The following ARPP19 variants were observed in gnomAD, a reference collection of about 807,000 sequenced individuals.
ARPP19 encodes the protein cAMP regulated phosphoprotein 19, also known as cAMP-regulated phosphoprotein 19.
Under a neutral mutation model 12.0 loss-of-function variants are expected in ARPP19, and 8 were observed. The observed-to-expected ratio is 0.67, with a 90% CI of 0.39 to 1.21. ARPP19 has a LOEUF of 1.21. Among genes scored for constraint, ARPP19 ranks in the 50% most tolerant of loss-of-function variants. ARPP19 has a pLI of 0.01. For missense variants in ARPP19, 102 were observed against 136.3 expected (o/e 0.75, Z 1.25); for synonymous variants, 47 against 50.4 (o/e 0.93, Z 0.29).
rs147494714 is a variant in ARPP19 at position 52,559,530 on chromosome 15, C to T, written c.46-2308G>A. On this transcript the variant is annotated intron_variant, in intron 1 of 2. Transcript: ENST00000249822. ...CCTGCTCTACTGAGAATTGATGGGG[C>T]AGTCTCCAATATGATTATGCCTTCT... Among the ~76,000 whole-genome samples, 17 of 152,270 alleles carry T rather than the reference C, an allele frequency of 1.1e-4. No homozygotes were observed. The East Asian group carries it at 2.9e-3, about 26-fold the overall frequency.
rs1309310983 is a variant in ARPP19, at chr15:52,554,937, T to A, written c.168+2163A>T. ...AAGAGACCTATTATAATAATCATAA[T>A]ATCTAATCAAACCTTCTCAAATTAA... On this transcript the variant is annotated intron_variant, in intron 2 of 2. Transcript: ENST00000249822. Among the ~76,000 whole-genome samples, 3 of 152,074 alleles carry A rather than the reference T, an allele frequency of 2.0e-5. No individual in the cohort carries two copies. In the East Asian group the frequency reaches 5.8e-4, roughly 29 times the overall value.
chr15:52,568,933 TTA>T lies in ARPP19; in HGVS notation c.-43_-42del. 6.9e-7 allele frequency: 1 copy of T among 1,453,682 alleles called. No individual in the cohort carries two copies. Among genetic ancestry groups the T allele is most frequent in the Non-Finnish European group, 9.3e-7 (1 of 1,074,346 alleles). The allele number at this position is 1,453,682 out of a possible 1,614,324, so 90.0% of individuals were successfully genotyped here. On this transcript the variant is annotated 5_prime_UTR_variant, in exon 1 of 3. Transcript: ENST00000249822. ...GACGAGACGCCGGGAAAAGATGCAA[TTA>T]GCGGGTGGCCGAGGCCACCCGGCCG...
chr15:52,555,216 T>C (rs1170032413), intron 2 of ARPP19, among the ~76,000 whole-genome samples: 2 of 152,026 alleles, frequency 1.3e-5, no homozygotes, highest in East Asian at 1.9e-4. Context: ...AACTCCAAGA[T>C]ACAATGTATA....
At chr15:52,558,482 A>AAAAAAAGAAAAAAAAAAAAAAAAAG (rs559673591) in intron 1 of ARPP19, among the ~76,000 whole-genome samples, 1 of 148,976 alleles carries the variant, frequency 6.7e-6, no homozygotes, top group Non-Finnish European at 1.5e-5. Context: ...AAAAAAAAAA[A>AAAAAAAGAAAAAAAAAAAAAAAAAG]AAAGAAAGAA....
Position 52,547,115 on chromosome 15 carries a change from C to CAAAAAAAAAAA in ARPP19, c.*4818_*4819insTTTTTTTTTTT, listed in dbSNP as rs2077883863. 1.8e-5 allele frequency: 2 copies of CAAAAAAAAAAA among 109,014 alleles called. No individual in the cohort carries two copies. Among genetic ancestry groups the CAAAAAAAAAAA allele is most frequent in the Non-Finnish European group, 4.3e-5 (2 of 46,764 alleles). 6.8% of individuals were successfully genotyped at this position (109,014 alleles called of 1,614,324 possible). ...ACAAATGCAAAAAAAAAAAAAAAAT[C>CAAAAAAAAAAA]AAAGATTACAAGTCAGTTTCTTCCT... On this transcript the variant is annotated 3_prime_UTR_variant, in exon 3 of 3. Coordinates refer to ENST00000249822, the MANE Select transcript of ARPP19 (RefSeq NM_006628.6).
At chr15:52,562,073 A>G (rs2078038664) in intron 1 of ARPP19, among the ~76,000 whole-genome samples, 1 of 151,896 alleles carries the variant, frequency 6.6e-6, no homozygotes, top group African/African-American at 2.4e-5. Flanking sequence ...CCACTGTGCC[A>G]CTAATAAAAT....
rs1481987113 is a variant in ARPP19, at chr15:52,550,861, TAA to T, written c.*1071_*1072del. ...TGTGGAAGTAAAAAGTTTCTACATTTAAAAAGTTTATATAAATTACATGAATT... is the reference window on the plus strand; with the variant it reads ...TGTGGAAGTAAAAAGTTTCTACATTTAAAGTTTATATAAATTACATGAATT... On this transcript the variant is annotated 3_prime_UTR_variant, in exon 3 of 3. Transcript: ENST00000249822. The T allele has an allele frequency of 2.0e-5, 3 of 152,772 alleles. No homozygotes were observed. The highest frequency in any genetic ancestry group is 7.2e-5 in the African/African-American group (3 of 41,584). 9.5% of individuals were successfully genotyped at this position (152,772 alleles called of 1,614,324 possible). A position where few individuals can be genotyped will look rare whatever the true frequency, so the allele number is the denominator to read the frequency against.
At chr15:52,569,270 G>T (rs1313805506), upstream of ARPP19, 8 of 285,768 alleles carry the variant, frequency 2.8e-5, no homozygotes, top group Non-Finnish European at 4.6e-5. Context: ...GCCCTTTCCT[G>T]TCCACTCTGG....
intron 2 of ARPP19, among the ~76,000 whole-genome samples, chr15:52,554,961 A>G (rs1326558852): frequency 6.6e-6 from 1 of 152,112 alleles, no homozygotes; most frequent in Non-Finnish European, 1.5e-5. Flanking sequence ...TTCTCAAATT[A>G]AGAAGCTACT....
Position 52,568,908 on chromosome 15 carries a change from G to A in ARPP19, c.-16C>T, listed in dbSNP as rs1451394687. ...CCGCAGACATAGTGCTCCCTCTGCAGACGAGACGCCGGGAAAAGATGCAAT... is the reference window on the plus strand; with the variant it reads ...CCGCAGACATAGTGCTCCCTCTGCAAACGAGACGCCGGGAAAAGATGCAAT... On this transcript the variant is annotated 5_prime_UTR_variant, in exon 1 of 3. Coordinates refer to ENST00000249822, the MANE Select transcript of ARPP19 (RefSeq NM_006628.6). The A allele has an allele frequency of 1.3e-6, 2 of 1,538,976 alleles. No individual in the cohort carries two copies. The highest frequency in any genetic ancestry group is 2.3e-5 in the South Asian group (2 of 86,312).
At chr15:52,560,083 C>T (rs566349471) in intron 1 of ARPP19, among the ~76,000 whole-genome samples, 1 of 152,196 alleles carries the variant, frequency 6.6e-6, no homozygotes, top group East Asian at 1.9e-4. Flanking sequence ...ATGTAGGTAG[C>T]AACTTACTCT....
rs1555393232 is a variant in ARPP19 at position 52,558,482 on chromosome 15, A to AAAAG, written c.46-1264_46-1261dup. On this transcript the variant is annotated intron_variant, in intron 1 of 2. Coordinates refer to ENST00000249822, the MANE Select transcript of ARPP19 (RefSeq NM_006628.6). ...TCAAAACAAAACAGAAAAAAAAAAAAAAAGAAAGAAAAAGAGAAAGAGAAA... is the reference window on the plus strand; with the variant it reads ...TCAAAACAAAACAGAAAAAAAAAAAAAAAGAAAGAAAGAAAAAGAGAAAGAGAAA... Among the ~76,000 whole-genome samples the AAAAG allele has an allele frequency of 1.7e-3, 254 of 149,080 alleles. 1 individual carries two copies. In the East Asian group the frequency reaches 0.031, roughly 18 times the overall value.
chr15:52,566,018 A>T (rs1465010300), intron 1 of ARPP19, among the ~76,000 whole-genome samples: 1 of 151,322 alleles, frequency 6.6e-6, no homozygotes, highest in Non-Finnish European at 1.5e-5. Context: ...CCACACCCGG[A>T]TAATTTTTGT....
At position 52,550,896 on chromosome 15, in the gene ARPP19, T is replaced by C. The variant is rs1352567321; in HGVS notation, c.*1038A>G. 1 of 152,626 alleles carries C rather than the reference T, an allele frequency of 6.6e-6. No homozygotes were observed. Among genetic ancestry groups the C allele is most frequent in the Non-Finnish European group, 1.5e-5 (1 of 68,032 alleles). The allele number at this position is 152,626 out of a possible 1,614,324, so 9.5% of individuals were successfully genotyped here. A position where few individuals can be genotyped will look rare whatever the true frequency, so the allele number is the denominator to read the frequency against. On this transcript the variant is annotated 3_prime_UTR_variant, in exon 3 of 3. Coordinates refer to ENST00000249822, the MANE Select transcript of ARPP19 (RefSeq NM_006628.6). The stretch of plus-strand genomic sequence containing the variant: ...ATATAAATTACATGAATTGCAACTT[T>C]CATAAAAATCAAAATGAAAGGTTCT...
rs1424213006 is a variant in ARPP19 at position 52,549,684 on chromosome 15, G to A, written c.*2250C>T. On this transcript the variant is annotated 3_prime_UTR_variant, in exon 3 of 3. Coordinates refer to ENST00000249822, the MANE Select transcript of ARPP19 (RefSeq NM_006628.6). Reference sequence around the variant, plus strand: ...CCCAAACCACAGGAGCAGTTCTATCGTGGTCAGGAATAACATGGTCTCTGA... The same window carrying A: ...CCCAAACCACAGGAGCAGTTCTATCATGGTCAGGAATAACATGGTCTCTGA... The A allele has an allele frequency of 2.6e-5, 4 of 152,414 alleles. No individual in the cohort carries two copies. The highest frequency in any genetic ancestry group is 5.9e-5 in the Non-Finnish European group (4 of 68,008). The allele number at this position is 152,414 out of a possible 1,614,324, so 9.4% of individuals were successfully genotyped here.
rs1474612789 is a variant in ARPP19, at chr15:52,549,529, TAA to T, written c.*2403_*2404del. On this transcript the variant is annotated 3_prime_UTR_variant, in exon 3 of 3. Coordinates refer to ENST00000249822, the MANE Select transcript of ARPP19 (RefSeq NM_006628.6). ...GCTTAATGAGGAAATTTACTTTTAA[TAA>T]AAAGACAATCAGCAATATTTTATTT... 2.0e-5 allele frequency: 3 copies of T among 152,620 alleles called. No individual in the cohort carries two copies. Among genetic ancestry groups the T allele is most frequent in the African/African-American group, 7.2e-5 (3 of 41,452 alleles). The allele number at this position is 152,620 out of a possible 1,614,324, so 9.5% of individuals were successfully genotyped here.
chr15:52,559,613 T>G (rs1415515963), intron 1 of ARPP19, among the ~76,000 whole-genome samples: 1 of 152,170 alleles, frequency 6.6e-6, no homozygotes, highest in East Asian at 1.9e-4. Flanking sequence ...TTACTAACAT[T>G]AGAACCTAAC....
intron 1 of ARPP19, chr15:52,564,209 G>A (rs1413969939): frequency 1.3e-6 from 2 of 1,534,230 alleles, no homozygotes; most frequent in South Asian, 1.2e-5. Context: ...GTTAGGAATC[G>A]ATGGTTGCAG....
chr15:52,562,445 T>TA (rs569716200), intron 1 of ARPP19, among the ~76,000 whole-genome samples: 78 of 151,878 alleles, frequency 5.1e-4, no homozygotes, highest in Non-Finnish European at 8.7e-4. Flanking sequence ...CACGAGTATT[T>TA]AAAAAAAATA....
Sources: allele counts gnomAD v4.1 joint callset (sites outside exome capture counted in the v4.1 genomes callset), GRCh38; gene constraint gnomAD v4.1.1; transcripts MANE v1.5; gene names NCBI Gene and HGNC (gene_info 2026-07-23, HGNC 2026-07-21).